The following NCKAP5 variants were observed in gnomAD, a reference collection of about 807,000 sequenced individuals.
NCKAP5 encodes the protein nck-associated protein 5.
NCKAP5 carries 92 observed loss-of-function variants against 167.0 expected under a neutral mutation model. That is an observed-to-expected ratio of 0.55 (90% confidence interval 0.47 to 0.66). The LOEUF is 0.66. Among genes scored for constraint, NCKAP5 ranks in the 30% least tolerant of loss-of-function variants. The pLI is 0.00. For missense variants in NCKAP5, 2,378 were observed against 2,315.0 expected, an observed-to-expected ratio of 1.03 and a Z score of -0.56; for synonymous variants, 891 against 877.4, an observed-to-expected ratio of 1.02 and a Z score of -0.27.
intron 3 of NCKAP5, among the ~76,000 whole-genome samples, chr2:133,356,032 T>C (rs1234531609): frequency 3.3e-5 from 5 of 151,968 alleles, no homozygotes; most frequent in South Asian, 4.2e-4. Context: ...GCTTCAGAGA[T>C]CCTCTTGCTT....
chr2:133,484,405 G>T (rs991581742), intron 3 of NCKAP5, among the ~76,000 whole-genome samples: 2 of 152,170 alleles, frequency 1.3e-5, no homozygotes, highest in Non-Finnish European at 2.9e-5. Flanking sequence ...GCCACCTGGT[G>T]TTGCTCACAA....
the NCKAP5 span, among the ~76,000 whole-genome samples, chr2:133,671,361 C>A: frequency 6.6e-6 from 1 of 151,930 alleles, no homozygotes; most frequent in African/African-American, 2.4e-5. Context: ...AAACTCATAT[C>A]GAAATAAACT....
At chr2:132,711,348 T>C (rs1225389694) in intron 19 of NCKAP5, among the ~76,000 whole-genome samples, 2 of 152,206 alleles carry the variant, frequency 1.3e-5, no homozygotes, top group Non-Finnish European at 2.9e-5. Flanking sequence ...AATTTATTTA[T>C]AATAATAACA....
intron 16 of NCKAP5, among the ~76,000 whole-genome samples, chr2:132,740,932 C>A (rs1217093686): frequency 1.3e-5 from 2 of 152,036 alleles, no homozygotes; most frequent in Non-Finnish European, 2.9e-5. Flanking sequence ...AAAGAAGTGG[C>A]ATCTCAGGCT....
At chr2:133,015,901 G>C (rs2078316792) in intron 6 of NCKAP5, among the ~76,000 whole-genome samples, 1 of 152,162 alleles carries the variant, frequency 6.6e-6, no homozygotes, top group Non-Finnish European at 1.5e-5. Context: ...AACTGTTGTG[G>C]TGAAGCCTGG....
intron 8 of NCKAP5, among the ~76,000 whole-genome samples, chr2:132,897,971 A>G (rs575369114): frequency 6.6e-6 from 1 of 152,326 alleles, no homozygotes; most frequent in East Asian, 1.9e-4. Context: ...CCTTAAAACA[A>G]GACAACAATA....
At chr2:133,161,289 G>C (rs2083785714) in intron 5 of NCKAP5, among the ~76,000 whole-genome samples, 1 of 152,032 alleles carries the variant, frequency 6.6e-6, no homozygotes, top group African/African-American at 2.4e-5. Context: ...TATGAGACTG[G>C]AGCCAAGATG....
chr2:133,609,895 G>C, the NCKAP5 span, among the ~76,000 whole-genome samples: 1 of 152,200 alleles, frequency 6.6e-6, no homozygotes, highest in Non-Finnish European at 1.5e-5. Context: ...AAGGCAATTA[G>C]TAGAAAAGAG....
chr2:133,622,851 C>G, the NCKAP5 span, among the ~76,000 whole-genome samples: 4 of 152,036 alleles, frequency 2.6e-5, no homozygotes, highest in Admixed American at 1.3e-4. Flanking sequence ...CCAAAGCAAG[C>G]CTAAGCAAAA....
chr2:133,588,123 T>A, the NCKAP5 span, among the ~76,000 whole-genome samples: 1 of 152,224 alleles, frequency 6.6e-6, no homozygotes, highest in African/African-American at 2.4e-5. Flanking sequence ...CATACACATG[T>A]GAGTCAACTA....
intron 6 of NCKAP5, among the ~76,000 whole-genome samples, chr2:133,113,920 C>T (rs893829347): frequency 2.0e-5 from 3 of 152,114 alleles, no homozygotes; most frequent in African/African-American, 7.2e-5. Context: ...ACCAAATGGG[C>T]CAAAATGGAA....
At chr2:133,193,101 T>A (rs1271165740) in intron 5 of NCKAP5, among the ~76,000 whole-genome samples, 1 of 152,090 alleles carries the variant, frequency 6.6e-6, no homozygotes, top group Non-Finnish European at 1.5e-5. Context: ...ATACAACAAC[T>A]TGAATGATTC....
the NCKAP5 span, among the ~76,000 whole-genome samples, chr2:133,663,982 A>C: frequency 6.6e-6 from 1 of 152,178 alleles, no homozygotes; most frequent in Non-Finnish European, 1.5e-5. Flanking sequence ...TAGTCTTACA[A>C]ATTGTATTTC....
chr2:133,611,291 C>G, the NCKAP5 span, among the ~76,000 whole-genome samples: 2 of 146,116 alleles, frequency 1.4e-5, no homozygotes, highest in African/African-American at 4.9e-5. Flanking sequence ...CCTCCTCCAT[C>G]TGCAAAAAGC....
chr2:133,093,357 A>G (rs2081250087), intron 6 of NCKAP5, among the ~76,000 whole-genome samples: 1 of 152,194 alleles, frequency 6.6e-6, no homozygotes, highest in South Asian at 2.1e-4. Context: ...CTTTAGATGC[A>G]AAAAGTCATT....
chr2:133,023,702 C>G (rs1268139560), intron 6 of NCKAP5, among the ~76,000 whole-genome samples: 2 of 152,092 alleles, frequency 1.3e-5, no homozygotes, highest in Admixed American at 6.6e-5. Flanking sequence ...ATGCAATATT[C>G]GATTTTCTGT....
chr2:133,271,266 T>C (rs1353508556), intron 4 of NCKAP5, among the ~76,000 whole-genome samples: 1 of 151,928 alleles, frequency 6.6e-6, no homozygotes, highest in Non-Finnish European at 1.5e-5. Context: ...TTGTGTGTTT[T>C]ATCAAGTTAT....
chr2:133,207,142 C>T (rs1423135106), intron 5 of NCKAP5, among the ~76,000 whole-genome samples: 1 of 152,090 alleles, frequency 6.6e-6, no homozygotes, highest in African/African-American at 2.4e-5. Context: ...GCACCCCCTC[C>T]CCTTTTAAAA....
intron 11 of NCKAP5, among the ~76,000 whole-genome samples, chr2:132,853,368 C>T (rs1432742672): frequency 6.6e-6 from 1 of 152,146 alleles, no homozygotes; most frequent in Non-Finnish European, 1.5e-5. Flanking sequence ...GGGCACACAA[C>T]TTCCTTTCCT....
Sources: allele counts gnomAD v4.1 joint callset (sites outside exome capture counted in the v4.1 genomes callset), GRCh38; gene constraint gnomAD v4.1.1; transcripts MANE v1.5; gene names NCBI Gene and HGNC (gene_info 2026-07-23, HGNC 2026-07-21).